LRP1B: variants seen among roughly 807,000 people sequenced by gnomAD.
LRP1B encodes the protein low-density lipoprotein receptor-related protein 1B.
Under a neutral mutation model 556.6 loss-of-function variants are expected in LRP1B, and 217 were observed. That is an observed-to-expected ratio of 0.39 (90% CI 0.35 to 0.44). The LOEUF (loss-of-function observed/expected upper bound fraction) is 0.44. Among genes scored for constraint, LRP1B ranks in the 20% least tolerant of loss-of-function variants. The pLI is 1.00. For synonymous variants in LRP1B, 2,047 were observed against 1,865.8 expected, an observed-to-expected ratio of 1.10 and a Z score of -2.50; for missense variants, 5,053 against 5,620.8, an observed-to-expected ratio of 0.90 and a Z score of 3.23.
At chr2:140,748,113 ATATATATATATATATATATATAT>A (rs1559093565) in intron 35 of LRP1B, among the ~76,000 whole-genome samples, 116 of 132,164 alleles carry the variant, frequency 8.8e-4, no homozygotes, top group Non-Finnish European at 1.4e-3. Flanking sequence ...ATATATATAT[ATATATATATATATATATATATAT>A]AATTCATATA....
chr2:141,510,877 A>AACACACAC (rs763698242), intron 2 of LRP1B, among the ~76,000 whole-genome samples: 9 of 141,248 alleles, frequency 6.4e-5, no homozygotes, highest in African/African-American at 2.1e-4. Context: ...TCCTTGTCTA[A>AACACACAC]ACACACACAC....
intron 35 of LRP1B, among the ~76,000 whole-genome samples, chr2:140,745,415 AT>A (rs1688283293): frequency 6.6e-6 from 1 of 152,200 alleles, no homozygotes; most frequent in Non-Finnish European, 1.5e-5. Context: ...AGTCAATCTA[AT>A]TTGATTAGGC....
At chr2:141,225,485 A>G (rs547994710) in intron 6 of LRP1B, among the ~76,000 whole-genome samples, 4 of 152,276 alleles carry the variant, frequency 2.6e-5, no homozygotes, top group African/African-American at 7.2e-5. Flanking sequence ...TATTTTGGGT[A>G]TCTGTGTCCT....
chr2:142,036,500 C>A (rs1244278860), intron 1 of LRP1B, among the ~76,000 whole-genome samples: 1 of 151,542 alleles, frequency 6.6e-6, no homozygotes, highest in Admixed American at 6.6e-5. Context: ...TTATAATGGA[C>A]AGCAGGATAG....
intron 1 of LRP1B, among the ~76,000 whole-genome samples, chr2:142,038,160 G>A (rs1341294145): frequency 1.3e-5 from 2 of 151,494 alleles, no homozygotes; most frequent in East Asian, 3.9e-4. Flanking sequence ...GTCTCTTTCA[G>A]CTATTGCTCA....
intron 2 of LRP1B, among the ~76,000 whole-genome samples, chr2:141,726,414 G>A (rs1021916982): frequency 1.2e-4 from 18 of 151,348 alleles, no homozygotes; most frequent in African/African-American, 2.7e-4. Flanking sequence ...TTCTAAAATC[G>A]GGCTTCTGAA....
At chr2:142,116,424 G>A (rs1707280016) in intron 1 of LRP1B, among the ~76,000 whole-genome samples, 1 of 151,910 alleles carries the variant, frequency 6.6e-6, no homozygotes, top group African/African-American at 2.4e-5. Context: ...CCTCAAATGA[G>A]CCCAGGTTAT....
intron 25 of LRP1B, among the ~76,000 whole-genome samples, chr2:140,872,218 T>A (rs1463471094): frequency 6.6e-6 from 1 of 151,814 alleles, no homozygotes; most frequent in Non-Finnish European, 1.5e-5. Flanking sequence ...TATAATAGTC[T>A]GGAGTTCCTC....
intron 3 of LRP1B, among the ~76,000 whole-genome samples, chr2:141,296,128 G>A (rs1211532122): frequency 1.3e-5 from 2 of 151,770 alleles, no homozygotes; most frequent in Non-Finnish European, 2.9e-5. Context: ...GCCCATCTAT[G>A]GTCATAAAAA....
chr2:140,886,969 C>A (rs1342323976), intron 23 of LRP1B, among the ~76,000 whole-genome samples: 1 of 152,058 alleles, frequency 6.6e-6, no homozygotes, highest in Admixed American at 6.6e-5. Flanking sequence ...ATTAAAGTTT[C>A]TTTTAGTATT....
intron 17 of LRP1B, among the ~76,000 whole-genome samples, chr2:140,989,320 A>G (rs1225334130): frequency 2.6e-5 from 4 of 152,124 alleles, no homozygotes; most frequent in African/African-American, 9.7e-5. Flanking sequence ...TGAAGTGCCA[A>G]ATTAGTCTGG....
intron 1 of LRP1B, among the ~76,000 whole-genome samples, chr2:141,849,384 C>T (rs1251755459): frequency 6.6e-6 from 1 of 150,462 alleles, no homozygotes; most frequent in Non-Finnish European, 1.5e-5. Flanking sequence ...ACTAGTTTTT[C>T]ACATCTTAAT....
intron 21 of LRP1B, among the ~76,000 whole-genome samples, chr2:140,910,113 CAG>C (rs1694375057): frequency 1.3e-5 from 1 of 78,612 alleles, no homozygotes; most frequent in Non-Finnish European, 2.8e-5. Flanking sequence ...AAAAACAAAA[CAG>C]AGGAATCTTA....
intron 37 of LRP1B, among the ~76,000 whole-genome samples, chr2:140,703,560 T>A (rs1686722447): frequency 6.6e-6 from 1 of 152,182 alleles, no homozygotes; most frequent in South Asian, 2.1e-4. Context: ...GAAGCATTGA[T>A]TCAACAGCTG....
At chr2:141,887,454 GT>G (rs1699162070) in intron 1 of LRP1B, among the ~76,000 whole-genome samples, 4 of 152,224 alleles carry the variant, frequency 2.6e-5, no homozygotes, top group Admixed American at 1.3e-4. Context: ...GTGACACTGT[GT>G]TGTCTTCACC....
chr2:140,290,769 T>A (rs1683339328), intron 84 of LRP1B, among the ~76,000 whole-genome samples: 1 of 152,040 alleles, frequency 6.6e-6, no homozygotes, highest in East Asian at 1.9e-4. Context: ...AAGACCAGGT[T>A]GAGCCAGTAT....
chr2:140,536,539 A>G (rs192552282), intron 46 of LRP1B, 42 bp downstream of exon 46: 1 of 1,577,714 alleles, frequency 6.3e-7, no homozygotes, highest in Non-Finnish European at 8.6e-7. Context: ...AAAGAATCAG[A>G]AAACTTTATC....
intron 17 of LRP1B, among the ~76,000 whole-genome samples, chr2:140,986,285 AGTTT>A (rs1157249979): frequency 6.6e-6 from 1 of 152,070 alleles, no homozygotes; most frequent in Non-Finnish European, 1.5e-5. Flanking sequence ...CAATTGTTTC[AGTTT>A]TTCACTATTA....
chr2:141,791,889 T>C (rs1418776155), intron 2 of LRP1B, among the ~76,000 whole-genome samples: 2 of 152,036 alleles, frequency 1.3e-5, no homozygotes, highest in Non-Finnish European at 2.9e-5. Context: ...CAGTAGATCA[T>C]GGCTAAGGTA....
Sources: allele counts gnomAD v4.1 joint callset (sites outside exome capture counted in the v4.1 genomes callset), GRCh38; gene constraint gnomAD v4.1.1; transcripts MANE v1.5; gene names NCBI Gene and HGNC (gene_info 2026-07-23, HGNC 2026-07-21).